Variants in PRKN observed in about 807,000 individuals in gnomAD.
PRKN encodes E3 ubiquitin-protein ligase parkin.
PRKN carries 56 observed loss-of-function variants against 59.5 expected under a neutral mutation model. The observed-to-expected ratio is 0.94, with a 90% confidence interval of 0.76 to 1.18. The LOEUF is 1.18. Ranked by LOEUF, PRKN falls within the 50% of genes most tolerant of loss-of-function variation. PRKN has a pLI of 0.00. For missense variants in PRKN, 657 were observed against 596.4 expected, an observed-to-expected ratio of 1.10 and a Z score of -1.06; for synonymous variants, 250 against 222.1, an observed-to-expected ratio of 1.13 and a Z score of -1.12.
In PRKN at chr6:161,457,267, A is replaced by C. The variant is rs904062111; in HGVS notation, c.1084-70390T>G. On this transcript the variant is annotated intron_variant, in intron 9 of 11. Transcript: ENST00000366898. This position sits in a 1 kb window ranked among gnomAD's most constrained non-coding sequence, Gnocchi z 5.0. The stretch of plus-strand genomic sequence containing the variant: ...TGTCTCTGTTAAGCACTTTGCAAGG[A>C]GGATGGGCAGCTGGGCCAATGCAGG... 1.3e-5 allele frequency among the ~76,000 whole-genome samples: 2 copies of C among 152,186 alleles called. No individual in the cohort carries two copies. Among genetic ancestry groups the C allele is most frequent in the Admixed American group, 6.5e-5 (1 of 15,284 alleles).
At chr6:162,667,369 C>T (rs1007205007) in intron 1 of PRKN, among the ~76,000 whole-genome samples, 1 of 151,992 alleles carries the variant, frequency 6.6e-6, no homozygotes, top group African/African-American at 2.4e-5. Context: ...AATCTAAATG[C>T]TGTTTAAAAT....
chr6:162,008,743 C>G (rs966790413), intron 5 of PRKN, among the ~76,000 whole-genome samples: 3 of 152,082 alleles, frequency 2.0e-5, no homozygotes, highest in African/African-American at 7.2e-5. Context: ...GAAAAAGACA[C>G]CATGGCCCCA....
chr6:161,969,121 T>C (rs537155932), intron 6 of PRKN, among the ~76,000 whole-genome samples: 14 of 152,242 alleles, frequency 9.2e-5, no homozygotes, highest in African/African-American at 1.7e-4. Context: ...TAGAGCAGTG[T>C]TTCTGGAAAG....
At chr6:162,493,697 T>C (rs914869092) in intron 1 of PRKN, among the ~76,000 whole-genome samples, 4 of 152,198 alleles carry the variant, frequency 2.6e-5, no homozygotes, top group Non-Finnish European at 5.9e-5. Context: ...AATTGTGTTA[T>C]TTCATCCTTT....
In PRKN at chr6:161,722,157, A is replaced by G. The variant is rs141951764; in HGVS notation, c.871+63615T>C. Among the ~76,000 whole-genome samples, 7 of 152,254 alleles carry G rather than the reference A, an allele frequency of 4.6e-5. No individual in the cohort carries two copies. The East Asian group carries it at 1.4e-3, about 29-fold the overall frequency. ...TGCCTCTGCTCCCAACATGCACACA[A>G]ACCACAACCAAACCAAAAAACTATT... is the stretch of plus-strand genomic sequence containing the variant. On this transcript the variant is annotated intron_variant, in intron 7 of 11. Coordinates refer to ENST00000366898, the MANE Select transcript of PRKN (RefSeq NM_004562.3).
chr6:162,314,558 G>A (rs904958706), intron 2 of PRKN, among the ~76,000 whole-genome samples: 2 of 152,070 alleles, frequency 1.3e-5, no homozygotes, highest in African/African-American at 4.8e-5. Context: ...CTCATTCCCA[G>A]GAATTCTCCC....
At chr6:161,481,875 A>AG (rs1348137492) in intron 9 of PRKN, among the ~76,000 whole-genome samples, 1 of 151,842 alleles carries the variant, frequency 6.6e-6, no homozygotes, top group African/African-American at 2.4e-5. Context: ...AATTTTTCAA[A>AG]GAAGGAAGGA....
Position 161,462,315 on chromosome 6 carries a change from T to A in PRKN, c.1084-75438A>T, listed in dbSNP as rs1018167336. 6.6e-6 allele frequency among the ~76,000 whole-genome samples: 1 copy of A among 152,208 alleles called. No individual in the cohort carries two copies. The highest frequency in any genetic ancestry group is 1.5e-5 in the Non-Finnish European group (1 of 68,034). On this transcript the variant is annotated intron_variant, in intron 9 of 11. Coordinates refer to ENST00000366898, the MANE Select transcript of PRKN (RefSeq NM_004562.3). The surrounding 1 kb of genome is among the most constrained non-coding windows in gnomAD (Gnocchi z 4.5). ...ATTCTGAATCACCTGAACTTCCAGCTATCTGTGGTTTATAAGCTGGCATAA... is the reference window on the plus strand; with the variant it reads ...ATTCTGAATCACCTGAACTTCCAGCAATCTGTGGTTTATAAGCTGGCATAA...
At chr6:161,509,879 CAAAAAAA>C (rs1175501223) in intron 9 of PRKN, among the ~76,000 whole-genome samples, 13 of 49,362 alleles carry the variant, frequency 2.6e-4, no homozygotes, top group Admixed American at 4.6e-4. Flanking sequence ...GACTCCATCT[CAAAAAAA>C]AAAAAAAAAA....
At chr6:161,496,866 C>T (rs1215528229) in intron 9 of PRKN, among the ~76,000 whole-genome samples, 1 of 152,168 alleles carries the variant, frequency 6.6e-6, no homozygotes, top group East Asian at 1.9e-4. Context: ...TGCTGGCAAA[C>T]ACCAGAAGCC....
intron 4 of PRKN, among the ~76,000 whole-genome samples, chr6:162,109,331 T>C (rs1232302538): frequency 2.0e-5 from 3 of 152,236 alleles, no homozygotes; most frequent in East Asian, 3.9e-4. Context: ...AGATAAAAGC[T>C]GTATTCAGGA....
chr6:161,859,503 C>T (rs756505181), intron 6 of PRKN, among the ~76,000 whole-genome samples: 49 of 148,748 alleles, frequency 3.3e-4, no homozygotes, highest in African/African-American at 8.9e-4. Flanking sequence ...CTCAGCTACT[C>T]GGGAGGATGT....
intron 3 of PRKN, among the ~76,000 whole-genome samples, chr6:162,221,958 T>C (rs1777953562): frequency 6.6e-6 from 1 of 152,132 alleles, no homozygotes; most frequent in South Asian, 2.1e-4. Context: ...TATCTAACAG[T>C]TAATACACTT....
At chr6:161,539,802 T>A (rs17651062) in intron 9 of PRKN, among the ~76,000 whole-genome samples, 25,570 of 152,136 alleles carry the variant, frequency 0.17, 2,543 homozygotes, top group Middle Eastern at 0.29. Context: ...AAATATCTTA[T>A]ATGCTCATGT....
At chr6:162,391,646 T>G (rs750680494) in intron 2 of PRKN, among the ~76,000 whole-genome samples, 1 of 152,206 alleles carries the variant, frequency 6.6e-6, no homozygotes, top group Non-Finnish European at 1.5e-5. Context: ...TGCACATGCT[T>G]GACGTGGATT....
intron 7 of PRKN, among the ~76,000 whole-genome samples, chr6:161,612,454 C>A (rs1310613233): frequency 6.6e-6 from 1 of 152,126 alleles, no homozygotes; most frequent in East Asian, 1.9e-4. Context: ...GGCGCGGTGG[C>A]TCACACCCAT....
chr6:162,682,866 T>G (rs1258525895), intron 1 of PRKN, among the ~76,000 whole-genome samples: 1 of 152,172 alleles, frequency 6.6e-6, no homozygotes, highest in Non-Finnish European at 1.5e-5. Context: ...GTAATAAGGG[T>G]ACATTTGCAA....
At chr6:161,822,735 A>G (rs1171342853) in intron 6 of PRKN, among the ~76,000 whole-genome samples, 2 of 152,112 alleles carry the variant, frequency 1.3e-5, no homozygotes, top group Non-Finnish European at 2.9e-5. Flanking sequence ...TCAGATCATG[A>G]TAATGTTTGA....
chr6:162,268,781 C>A (rs559486058), intron 2 of PRKN, among the ~76,000 whole-genome samples: 5 of 152,228 alleles, frequency 3.3e-5, no homozygotes, highest in African/African-American at 1.2e-4. Flanking sequence ...GAAGTGGAGA[C>A]TTGGATGAGG....
Sources: allele counts gnomAD v4.1 joint callset (sites outside exome capture counted in the v4.1 genomes callset), GRCh38; gene constraint gnomAD v4.1.1; non-coding constraint Gnocchi (gnomAD v3.1); transcripts MANE v1.5; gene names NCBI Gene and HGNC (gene_info 2026-07-23, HGNC 2026-07-21).